The following TSPAN9 variants were observed in gnomAD, a reference collection of about 807,000 sequenced individuals.
TSPAN9 encodes the protein tetraspanin 9.
Under a neutral mutation model 31.0 loss-of-function variants are expected in TSPAN9, and 16 were observed. The ratio of observed to expected loss-of-function variants is 0.52; its 90% CI spans 0.35 to 0.78. The LOEUF (loss-of-function observed/expected upper bound fraction) is 0.78. Among genes scored for constraint, TSPAN9 ranks in the 30% least tolerant of loss-of-function variants. TSPAN9 has a pLI of 0.01. For missense variants in TSPAN9, 272 were observed against 312.5 expected (o/e 0.87, Z 0.98); for synonymous variants, 145 against 121.6 (o/e 1.19, Z -1.27).
intron 2 of TSPAN9, among the ~76,000 whole-genome samples, chr12:3,138,848 C>G (rs1253645365): frequency 2.6e-5 from 4 of 152,172 alleles, no homozygotes; most frequent in Non-Finnish European, 4.4e-5. Flanking sequence ...CTGCACTTAT[C>G]TGACTGCTGG....
At chr12:3,224,524 C>CAG (rs1236589236) in intron 3 of TSPAN9, among the ~76,000 whole-genome samples, 15 of 152,246 alleles carry the variant, frequency 9.9e-5, no homozygotes, top group Non-Finnish European at 2.1e-4. Context: ...AATCAGGACC[C>CAG]AGGCCTGGCT....
At chr12:3,133,049 T>C (rs1331168473) in intron 2 of TSPAN9, among the ~76,000 whole-genome samples, 1 of 152,214 alleles carries the variant, frequency 6.6e-6, no homozygotes, top group East Asian at 1.9e-4. Context: ...ATTTTATGTC[T>C]TTTGGGTGGG....
chr12:3,176,555 A>G (rs1261688510), intron 2 of TSPAN9, among the ~76,000 whole-genome samples: 1 of 152,212 alleles, frequency 6.6e-6, no homozygotes, highest in Non-Finnish European at 1.5e-5. Flanking sequence ...ATTGATTAAG[A>G]TATTTTTGTC....
chr12:3,237,019 G>T (rs546641843), intron 3 of TSPAN9, among the ~76,000 whole-genome samples: 2 of 152,180 alleles, frequency 1.3e-5, no homozygotes. Context: ...TGAGCAGTGC[G>T]GTGTGAGGAT....
Position 3,225,395 on chromosome 12 carries a change from C to A in TSPAN9, c.63+24139C>A, listed in dbSNP as rs546372054. Among the ~76,000 whole-genome samples, 4 of 152,236 alleles carry A rather than the reference C, an allele frequency of 2.6e-5. No individual in the cohort carries two copies. The East Asian group carries it at 5.8e-4, about 22-fold the overall frequency. On this transcript the variant is annotated intron_variant, in intron 3 of 8. Coordinates refer to ENST00000011898, the MANE Select transcript of TSPAN9 (RefSeq NM_006675.5). ...TGTGCGGTGGCGGTCACAGCATTTT[C>A]TCTACCTTTCTTGAAAGTGAGGCCT... is the stretch of plus-strand genomic sequence containing the variant.
At chr12:3,140,438 C>T (rs776993086) in intron 2 of TSPAN9, among the ~76,000 whole-genome samples, 16 of 151,932 alleles carry the variant, frequency 1.1e-4, no homozygotes, top group South Asian at 4.1e-4. Context: ...TGCACTGGCC[C>T]GGGATGGACG....
chr12:3,216,282 CAG>C (rs2098381344), intron 3 of TSPAN9, among the ~76,000 whole-genome samples: 1 of 152,226 alleles, frequency 6.6e-6, no homozygotes, highest in Admixed American at 6.5e-5. Flanking sequence ...ACTAAGCAGC[CAG>C]ATGGCTTTTG....
rs535773892 is a variant in TSPAN9, at chr12:3,105,810, A to T, written c.-18+22091A>T. On this transcript the variant is annotated intron_variant, in intron 2 of 8. Coordinates refer to ENST00000011898, the MANE Select transcript of TSPAN9 (RefSeq NM_006675.5). ...TACACACTCACGCACACATGCGCAC[A>T]CACGCACACGCGCACACACACTTTC... 2.0e-5 allele frequency among the ~76,000 whole-genome samples: 3 copies of T among 150,634 alleles called. No individual in the cohort carries two copies. The South Asian group carries it at 6.4e-4, about 32-fold the overall frequency.
Position 3,147,438 on chromosome 12 carries a change from G to A in TSPAN9, c.-17-53739G>A, listed in dbSNP as rs117085390. Among the ~76,000 whole-genome samples, 1 of 152,180 alleles carries A rather than the reference G, an allele frequency of 6.6e-6. No individual in the cohort carries two copies. Among genetic ancestry groups the A allele is most frequent in the Non-Finnish European group, 1.5e-5 (1 of 68,044 alleles). ...GTGGGCATGCTGCAGCCTGAGTCCTGGTGGCATCTCCACCGACGCGACGGG... is the reference window on the plus strand; with the variant it reads ...GTGGGCATGCTGCAGCCTGAGTCCTAGTGGCATCTCCACCGACGCGACGGG... On this transcript the variant is annotated intron_variant, in intron 2 of 8. Transcript: ENST00000011898. The surrounding 1 kb of genome is among the most constrained non-coding windows in gnomAD (Gnocchi z 4.3).
intron 3 of TSPAN9, chr12:3,273,039 A>G (rs1301302021): frequency 2.0e-5 from 3 of 152,286 alleles, no homozygotes; most frequent in African/African-American, 7.2e-5. Flanking sequence ...CCCTGGTGAC[A>G]AAGAAGATCC....
At chr12:3,241,493 C>T (rs2098396554) in intron 3 of TSPAN9, among the ~76,000 whole-genome samples, 2 of 152,110 alleles carry the variant, frequency 1.3e-5, no homozygotes, top group East Asian at 3.8e-4. Flanking sequence ...ATGGTATGCT[C>T]CTAATTTTTA....
chr12:3,273,980 C>T (rs1862733698), intron 3 of TSPAN9, among the ~76,000 whole-genome samples: 1 of 152,220 alleles, frequency 6.6e-6, no homozygotes, highest in Non-Finnish European at 1.5e-5. Context: ...GATTCTTTCT[C>T]CAATGGCTGT....
At chr12:3,278,636 C>T (rs1862839986) in intron 4 of TSPAN9, 24 bp downstream of exon 4, 2 of 1,603,546 alleles carry the variant, frequency 1.2e-6, no homozygotes, top group African/African-American at 1.3e-5. Flanking sequence ...AAATCCCCAG[C>T]CCCTCCAACT....
intron 2 of TSPAN9, among the ~76,000 whole-genome samples, chr12:3,106,456 G>A (rs1264626749): frequency 6.6e-6 from 1 of 152,200 alleles, no homozygotes; most frequent in Non-Finnish European, 1.5e-5. Flanking sequence ...CTGGTGGTGG[G>A]AAGTGGAGGA....
intron 3 of TSPAN9, among the ~76,000 whole-genome samples, chr12:3,262,048 T>G (rs1862459747): frequency 6.6e-6 from 1 of 152,244 alleles, no homozygotes; most frequent in African/African-American, 2.4e-5. Flanking sequence ...CTAGCTCCCT[T>G]GAGCAGCTGG....
intron 3 of TSPAN9, among the ~76,000 whole-genome samples, chr12:3,275,236 G>A (rs1319529610): frequency 6.6e-6 from 1 of 152,200 alleles, no homozygotes; most frequent in Non-Finnish European, 1.5e-5. Context: ...GCTCGGAAGG[G>A]GCCCCCCGCT....
At chr12:3,158,712 ACT>A (rs1189094980) in intron 2 of TSPAN9, among the ~76,000 whole-genome samples, 3 of 97,958 alleles carry the variant, frequency 3.1e-5, no homozygotes, top group South Asian at 4.4e-4. Flanking sequence ...ACAGAGCAAG[ACT>A]CTGTCTCAAA....
At chr12:3,235,835 G>T (rs554741698) in intron 3 of TSPAN9, among the ~76,000 whole-genome samples, 1 of 152,336 alleles carries the variant, frequency 6.6e-6, no homozygotes, top group African/African-American at 2.4e-5. Context: ...GGGACAGCAG[G>T]TGCCAATATG....
chr12:3,117,522 T>TA (rs1401786659), intron 2 of TSPAN9, among the ~76,000 whole-genome samples: 4 of 151,844 alleles, frequency 2.6e-5, no homozygotes, highest in Non-Finnish European at 5.9e-5. Context: ...GCCCGTGGGG[T>TA]AAAAACCTCA....
Sources: allele counts gnomAD v4.1 joint callset (sites outside exome capture counted in the v4.1 genomes callset), GRCh38; gene constraint gnomAD v4.1.1; non-coding constraint Gnocchi (gnomAD v3.1); transcripts MANE v1.5; gene names NCBI Gene and HGNC (gene_info 2026-07-23, HGNC 2026-07-21).